The following PCDHGA4 variants were observed in gnomAD, a reference collection of about 807,000 sequenced individuals.
PCDHGA4 encodes protocadherin gamma-A4.
Under a neutral mutation model 54.6 loss-of-function variants are expected in PCDHGA4, and 38 were observed. That is an observed-to-expected ratio of 0.70 (90% CI 0.54 to 0.91). The LOEUF is 0.91. Ranked by LOEUF, PCDHGA4 falls within the 40% of genes least tolerant of loss-of-function variation. The pLI is 0.00. For synonymous variants in PCDHGA4, 511 were observed against 512.9 expected, an observed-to-expected ratio of 1.00 and a Z score of 0.05; for missense variants, 1,298 against 1,220.9, an observed-to-expected ratio of 1.06 and a Z score of -0.94.
chr5:141,482,890 G>C (rs577635020), intron 1 of PCDHGA4, among the ~76,000 whole-genome samples: 10 of 152,274 alleles, frequency 6.6e-5, no homozygotes, highest in African/African-American at 2.4e-4. Flanking sequence ...TGGCCAACAT[G>C]GTGAAACCTC....
chr5:141,364,267 T>C, intron 1 of PCDHGA4: 1 of 1,511,636 alleles, frequency 6.6e-7, no homozygotes, highest in Non-Finnish European at 8.8e-7. Flanking sequence ...CCCATCGGCT[T>C]TAGATAAATA....
At chr5:141,443,330 C>A (rs1005631067) in intron 1 of PCDHGA4, among the ~76,000 whole-genome samples, 44 of 139,282 alleles carry the variant, frequency 3.2e-4, no homozygotes, top group African/African-American at 4.5e-4. Flanking sequence ...AAAAAAAAAA[C>A]AAAAATTAAC....
In PCDHGA4 at chr5:141,487,169, G is replaced by A. The variant is rs1259980100; in HGVS notation, c.2515-7638G>A. On this transcript the variant is annotated intron_variant, in intron 1 of 3. Coordinates refer to ENST00000571252, the MANE Select transcript of PCDHGA4 (RefSeq NM_018917.4). The surrounding 1 kb of genome is among the most constrained non-coding windows in gnomAD (Gnocchi z 5.0). ...CTCTGTTACTCTCTTAGTGTCCTTA[G>A]AGGAAGACACTCATCCAGTTGTCCC... 6.2e-7 allele frequency: 1 copy of A among 1,613,086 alleles called. No homozygotes were observed. Among genetic ancestry groups the A allele is most frequent in the South Asian group, 1.1e-5 (1 of 91,072 alleles).
intron 2 of PCDHGA4, among the ~76,000 whole-genome samples, chr5:141,501,942 C>T (rs1012840550): frequency 2.6e-5 from 4 of 152,136 alleles, no homozygotes; most frequent in Non-Finnish European, 4.4e-5. Context: ...CACCACTGCT[C>T]CCTGTGACAG....
In PCDHGA4 at chr5:141,365,825, G is replaced by T. The variant is rs772088278; in HGVS notation, c.2514+8204G>T. On this transcript the variant is annotated intron_variant, in intron 1 of 3. Transcript: ENST00000571252. Reference sequence around the variant, plus strand: ...CCTGGCTGAAGACACATTTCAGGGGGCGCCCTTGTCCTCCTATGTATCCAT... The same window carrying T: ...CCTGGCTGAAGACACATTTCAGGGGTCGCCCTTGTCCTCCTATGTATCCAT... 77 of 1,613,824 alleles carry T rather than the reference G, an allele frequency of 4.8e-5. No homozygotes were observed. In the Admixed American group the frequency reaches 5.7e-4, roughly 12 times the overall value.
At chr5:141,388,952 G>GGAC in intron 1 of PCDHGA4, 1 of 1,614,022 alleles carries the variant, frequency 6.2e-7, no homozygotes, top group Non-Finnish European at 8.5e-7. Flanking sequence ...TAATTATGGA[G>GGAC]GACGCCGAGC....
chr5:141,412,967 A>G, intron 1 of PCDHGA4: 1 of 520,650 alleles, frequency 1.9e-6, no homozygotes, highest in Non-Finnish European at 3.3e-6. Context: ...CTACTAGGAG[A>G]GAAAACGCAG....
intron 1 of PCDHGA4, chr5:141,374,743 T>A: frequency 6.2e-7 from 1 of 1,611,970 alleles, no homozygotes; most frequent in Non-Finnish European, 8.5e-7. Context: ...GCGGCGACCC[T>A]GTCCGCTCAA....
In PCDHGA4 at chr5:141,456,564, A is replaced by G. The variant is rs1174191537; in HGVS notation, c.2515-38243A>G. ...TTGTAGCCACTCGGGGCTGAAGCCC[A>G]CATTTTCCCTGAGCCTGTCAATAAT... On this transcript the variant is annotated intron_variant, in intron 1 of 3. Coordinates refer to ENST00000571252, the MANE Select transcript of PCDHGA4 (RefSeq NM_018917.4). Among the ~76,000 whole-genome samples the G allele has an allele frequency of 2.6e-5, 4 of 152,338 alleles. No individual in the cohort carries two copies. The South Asian group carries it at 6.2e-4, about 24-fold the overall frequency.
chr5:141,382,576 G>A (rs1778302308), intron 1 of PCDHGA4, among the ~76,000 whole-genome samples: 1 of 152,162 alleles, frequency 6.6e-6, no homozygotes, highest in Non-Finnish European at 1.5e-5. Context: ...ATCTAACAGG[G>A]AAATTTTGAA....
chr5:141,360,636 A>T (rs550512719), intron 1 of PCDHGA4: 2 of 1,614,030 alleles, frequency 1.2e-6, no homozygotes, highest in East Asian at 4.5e-5. Flanking sequence ...CTAACTCACT[A>T]CAAAGATACC....
intron 1 of PCDHGA4, chr5:141,408,916 C>T (rs1379557230): frequency 6.8e-6 from 11 of 1,613,024 alleles, no homozygotes; most frequent in African/African-American, 2.7e-5. Flanking sequence ...CCAATGATAA[C>T]CCCCCGGTTT....
rs755169934 is a variant in PCDHGA4 at position 141,384,350 on chromosome 5, A to T, written c.2514+26729A>T. On this transcript the variant is annotated intron_variant, in intron 1 of 3. Coordinates refer to ENST00000571252, the MANE Select transcript of PCDHGA4 (RefSeq NM_018917.4). Reference sequence around the variant, plus strand: ...GCACAGGACCACGACAGTGAGGATAATGCCCAGATCACTTATTCCTTGGCC... The same window carrying T: ...GCACAGGACCACGACAGTGAGGATATTGCCCAGATCACTTATTCCTTGGCC... The T allele has an allele frequency of 1.9e-6, 3 of 1,613,690 alleles. No homozygotes were observed. In the African/African-American group the frequency reaches 4.0e-5, roughly 22 times the overall value.
chr5:141,482,611 G>C (rs1016481108), intron 1 of PCDHGA4, among the ~76,000 whole-genome samples: 4 of 150,398 alleles, frequency 2.7e-5, no homozygotes, highest in Non-Finnish European at 5.9e-5. Context: ...ACACCTAAAT[G>C]AGCCTGGAGA....
At chr5:141,436,991 T>G (rs1016670604) in intron 1 of PCDHGA4, among the ~76,000 whole-genome samples, 2 of 152,238 alleles carry the variant, frequency 1.3e-5, no homozygotes, top group African/African-American at 4.8e-5. Flanking sequence ...AGAAGCAGTT[T>G]ACTTCAATGG....
intron 1 of PCDHGA4, chr5:141,421,591 G>T: frequency 6.2e-7 from 1 of 1,613,874 alleles, no homozygotes; most frequent in Non-Finnish European, 8.5e-7. Context: ...CGGAGTGGAG[G>T]TGGAAATAAT....
Position 141,409,742 on chromosome 5 carries a change from G to A in PCDHGA4, c.2514+52121G>A, listed in dbSNP as rs763304955. On this transcript the variant is annotated intron_variant, in intron 1 of 3. Coordinates refer to ENST00000571252, the MANE Select transcript of PCDHGA4 (RefSeq NM_018917.4). Reference sequence around the variant, plus strand: ...GTCAGTGAGCGCGCAGAGCGGGGTGGTGTTCGCGCAGCGCGCCTTTGATCA... The same window carrying A: ...GTCAGTGAGCGCGCAGAGCGGGGTGATGTTCGCGCAGCGCGCCTTTGATCA... 4.3e-6 allele frequency: 7 copies of A among 1,612,986 alleles called. No individual in the cohort carries two copies. In the South Asian group the frequency reaches 5.5e-5, roughly 13 times the overall value.
Position 141,489,214 on chromosome 5 carries a change from T to TA in PCDHGA4, c.2515-5592dup, listed in dbSNP as rs771766565. On this transcript the variant is annotated intron_variant, in intron 1 of 3. Transcript: ENST00000571252. This position sits in a 1 kb window ranked among gnomAD's most constrained non-coding sequence, Gnocchi z 4.5. ...CCTTGGAGACAGGACAGCACAGACTTACTCTCCACAAAGGGACTTCTGGGT... is the reference window on the plus strand; with the variant it reads ...CCTTGGAGACAGGACAGCACAGACTTAACTCTCCACAAAGGGACTTCTGGGT... 216 of 1,480,534 alleles carry TA rather than the reference T, an allele frequency of 1.5e-4. 4 individuals are homozygous for TA. The South Asian group carries it at 2.1e-3, about 14-fold the overall frequency. 91.7% of individuals were successfully genotyped at this position (1,480,534 alleles called of 1,614,324 possible).
At chr5:141,375,139 A>G (rs1406415297) in intron 1 of PCDHGA4, 11 of 1,613,936 alleles carry the variant, frequency 6.8e-6, no homozygotes, top group Non-Finnish European at 9.3e-6. Context: ...TTACATCTGG[A>G]AGCAGAACAA....
Sources: allele counts gnomAD v4.1 joint callset (sites outside exome capture counted in the v4.1 genomes callset), GRCh38; gene constraint gnomAD v4.1.1; non-coding constraint Gnocchi (gnomAD v3.1); transcripts MANE v1.5; gene names NCBI Gene and HGNC (gene_info 2026-07-23, HGNC 2026-07-21).